The following PIGK variants were observed in gnomAD, a reference collection of about 807,000 sequenced individuals.
PIGK encodes the protein phosphatidylinositol glycan anchor biosynthesis class K.
A neutral mutation model predicts 50.6 loss-of-function variants in PIGK; 42 were observed. That is an observed-to-expected ratio of 0.83 (90% CI 0.65 to 1.07). The LOEUF is 1.07. Ranked by LOEUF, PIGK falls within the 50% of genes least tolerant of loss-of-function variation. The probability of loss-of-function intolerance (pLI) is 0.00; values close to 1 mark genes in which losing one functional copy is unlikely to be tolerated. For missense variants in PIGK, 448 were observed against 488.7 expected, an observed-to-expected ratio of 0.92 and a Z score of 0.78; for synonymous variants, 151 against 156.0, an observed-to-expected ratio of 0.97 and a Z score of 0.24.
At chr1:77,129,632 G>T (rs772516157) in intron 9 of PIGK, 31 of 1,461,280 alleles carry the variant, frequency 2.1e-5, no homozygotes, top group Non-Finnish European at 2.8e-5. Context: ...TATCCCAGAA[G>T]AAACTGAAGA....
intron 9 of PIGK, among the ~76,000 whole-genome samples, chr1:77,122,936 A>C (rs2100528792): frequency 6.6e-6 from 1 of 152,274 alleles, no homozygotes. Context: ...TTGAAGATGA[A>C]ACCCATGTCT....
At chr1:77,110,893 A>T (rs1273189759) in intron 10 of PIGK, among the ~76,000 whole-genome samples, 6 of 152,142 alleles carry the variant, frequency 3.9e-5, no homozygotes, top group Non-Finnish European at 5.9e-5. Flanking sequence ...GAATCTACAA[A>T]GAACTCAAAC....
intron 10 of PIGK, among the ~76,000 whole-genome samples, chr1:77,105,203 G>A (rs1022504299): frequency 1.3e-5 from 2 of 152,076 alleles, no homozygotes; most frequent in Non-Finnish European, 2.9e-5. Flanking sequence ...CTCTTCTTAA[G>A]TTCAGCCGTC....
intron 5 of PIGK, among the ~76,000 whole-genome samples, chr1:77,166,081 A>G (rs1417688145): frequency 1.3e-5 from 2 of 152,200 alleles, no homozygotes; most frequent in Admixed American, 6.5e-5. Context: ...AGAATTAGAA[A>G]AAGTATTAAG....
intron 9 of PIGK, among the ~76,000 whole-genome samples, chr1:77,122,654 G>A (rs542498228): frequency 7.9e-5 from 12 of 152,274 alleles, no homozygotes; most frequent in Middle Eastern, 3.4e-3. Context: ...AAAAGAGGGT[G>A]TTTCTTTCAT....
At chr1:77,174,221 G>C (rs533386505) in intron 3 of PIGK, among the ~76,000 whole-genome samples, 1 of 152,296 alleles carries the variant, frequency 6.6e-6, no homozygotes, top group African/African-American at 2.4e-5. Flanking sequence ...AATATTGGCT[G>C]TTTTGCCTGG....
At chr1:77,199,700 GA>G (rs771362629) in intron 3 of PIGK, among the ~76,000 whole-genome samples, 1 of 151,820 alleles carries the variant, frequency 6.6e-6, no homozygotes, top group Non-Finnish European at 1.5e-5. Flanking sequence ...TACACACAGG[GA>G]AACAAAGGAA....
Position 77,218,291 on chromosome 1 carries a change from G to T in PIGK, c.93+1019C>A, listed in dbSNP as rs545441239. Among the ~76,000 whole-genome samples the T allele has an allele frequency of 1.3e-4, 20 of 152,258 alleles. No homozygotes were observed. The South Asian group carries it at 2.9e-3, about 22-fold the overall frequency. Reference sequence around the variant, plus strand: ...GATCAGGCTTACATTTCGTGTAGACGAATCTAGCACCAAACTCAGGGAGTA... The same window carrying T: ...GATCAGGCTTACATTTCGTGTAGACTAATCTAGCACCAAACTCAGGGAGTA... On this transcript the variant is annotated intron_variant, in intron 1 of 10. Coordinates refer to ENST00000370812, the MANE Select transcript of PIGK (RefSeq NM_005482.3).
chr1:77,203,418 T>C (rs1656215017), intron 3 of PIGK, among the ~76,000 whole-genome samples: 1 of 152,166 alleles, frequency 6.6e-6, no homozygotes, highest in Non-Finnish European at 1.5e-5. Flanking sequence ...TCCATAAGGT[T>C]AGAGATTTGT....
intron 3 of PIGK, among the ~76,000 whole-genome samples, chr1:77,181,884 C>T (rs919431053): frequency 6.6e-6 from 1 of 152,164 alleles, no homozygotes; most frequent in Admixed American, 6.5e-5. Context: ...GAGGAATCTT[C>T]AAGTTAATAA....
At chr1:77,211,456 A>C (rs1186046223) in intron 1 of PIGK, among the ~76,000 whole-genome samples, 1 of 152,020 alleles carries the variant, frequency 6.6e-6, no homozygotes, top group Non-Finnish European at 1.5e-5. Context: ...TCCTCTATTA[A>C]AGTGATCACT....
At chr1:77,146,512 G>C (rs1016497304) in intron 9 of PIGK, among the ~76,000 whole-genome samples, 2 of 151,866 alleles carry the variant, frequency 1.3e-5, no homozygotes, top group Admixed American at 1.3e-4. Context: ...AAATGTAAAA[G>C]AGGCCTGGCA....
At position 77,090,059 on chromosome 1, in the gene PIGK, G is replaced by GA. The variant is rs1311050033; in HGVS notation, c.*2314dup. On this transcript the variant is annotated 3_prime_UTR_variant, in exon 11 of 11. Transcript: ENST00000370812. The stretch of plus-strand genomic sequence containing the variant: ...TTCCCCTTTGGTATCCTCCTAAGCC[G>GA]ACATAAGAACAATAATGCCACCATA... 1.3e-5 allele frequency: 2 copies of GA among 152,254 alleles called. No homozygotes were observed. The highest frequency in any genetic ancestry group is 3.9e-4 in the East Asian group (2 of 5,186). The allele number at this position is 152,254 out of a possible 1,614,324, so 9.4% of individuals were successfully genotyped here. A position where few individuals can be genotyped will look rare whatever the true frequency, so the allele number is the denominator to read the frequency against.
At chr1:77,108,326 T>C (rs1368043564) in intron 10 of PIGK, among the ~76,000 whole-genome samples, 1 of 152,184 alleles carries the variant, frequency 6.6e-6, no homozygotes, top group Non-Finnish European at 1.5e-5. Context: ...CTGTAAAGGA[T>C]TTTATATCTC....
At position 77,161,638 on chromosome 1, in the gene PIGK, T is replaced by C. The variant is rs765654580; in HGVS notation, c.658A>G (p.Ile220Val). ...ACTTGACTACTAGCTAGAGCCATTA[T>C]GTTAGGAGAATAAAATCGTTCATAC... The part of the protein sequence containing the change: ...SMYERFYSPN[I>V]MALASSQVGE... The change falls in exon 7 of 11, where the codon ATA becomes GTA. Residue 220 changes from isoleucine to valine, a missense_variant. By Grantham distance (29) the Ile-to-Val change is conservative. Coordinates refer to ENST00000370812, the MANE Select transcript of PIGK (RefSeq NM_005482.3). 2 of 1,581,618 alleles carry C rather than the reference T, an allele frequency of 1.3e-6. No homozygotes were observed. Among genetic ancestry groups the C allele is most frequent in the East Asian group, 2.2e-5 (1 of 44,670 alleles).
intron 1 of PIGK, among the ~76,000 whole-genome samples, chr1:77,214,598 A>C (rs1477045119): frequency 1.3e-5 from 2 of 152,172 alleles, no homozygotes; most frequent in African/African-American, 4.8e-5. Flanking sequence ...GAACAAGACA[A>C]GGATACCCAC....
At chr1:77,159,408 A>T (rs1302199210) in intron 8 of PIGK, among the ~76,000 whole-genome samples, 2 of 152,170 alleles carry the variant, frequency 1.3e-5, no homozygotes, top group South Asian at 4.1e-4. Flanking sequence ...CCCCACACAG[A>T]GTCCCCAGTG....
chr1:77,187,805 G>T (rs559565128), intron 3 of PIGK, among the ~76,000 whole-genome samples: 1 of 152,220 alleles, frequency 6.6e-6, no homozygotes, highest in African/African-American at 2.4e-5. Flanking sequence ...GACCCCAAAC[G>T]GATGGACCGG....
chr1:77,215,120 A>C (rs542096267), intron 1 of PIGK, among the ~76,000 whole-genome samples: 2 of 152,264 alleles, frequency 1.3e-5, no homozygotes, highest in Admixed American at 1.3e-4. Flanking sequence ...AATACCAATG[A>C]TATTCTTCAC....
Sources: allele counts gnomAD v4.1 joint callset (sites outside exome capture counted in the v4.1 genomes callset), GRCh38; gene constraint gnomAD v4.1.1; transcripts MANE v1.5; gene names NCBI Gene and HGNC (gene_info 2026-07-23, HGNC 2026-07-21).